ITPR2: variants seen among roughly 807,000 people sequenced by gnomAD.
The protein encoded by ITPR2 is inositol 1,4,5-trisphosphate receptor type 2.
Under a neutral mutation model 317.1 loss-of-function variants are expected in ITPR2, and 207 were observed. That is an observed-to-expected ratio of 0.65 (90% CI 0.58 to 0.73). The LOEUF is 0.73. Among genes scored for constraint, ITPR2 ranks in the 30% least tolerant of loss-of-function variants. ITPR2 has a pLI of 0.00. For synonymous variants in ITPR2, 1,156 were observed against 1,149.1 expected, an observed-to-expected ratio of 1.01 and a Z score of -0.12; for missense variants, 2,613 against 3,284.0, an observed-to-expected ratio of 0.80 and a Z score of 4.99.
At chr12:26,489,772 A>G (rs1056214845) in intron 39 of ITPR2, among the ~76,000 whole-genome samples, 1 of 152,220 alleles carries the variant, frequency 6.6e-6, no homozygotes, top group Admixed American at 6.5e-5. Flanking sequence ...AAAGGAAGAA[A>G]TAAAGGAAGG....
intron 37 of ITPR2, among the ~76,000 whole-genome samples, chr12:26,523,405 C>G (rs1943717708): frequency 6.6e-6 from 1 of 152,154 alleles, no homozygotes. Flanking sequence ...GCTAATCTTC[C>G]TTCCCCCCAC....
At chr12:26,450,269 C>A (rs1591795790) in intron 45 of ITPR2, among the ~76,000 whole-genome samples, 1 of 152,086 alleles carries the variant, frequency 6.6e-6, no homozygotes. Context: ...GTTATGGCAG[C>A]CCTAGGAAGT....
chr12:26,416,087 G>A (rs978167110), intron 50 of ITPR2, among the ~76,000 whole-genome samples: 23 of 152,088 alleles, frequency 1.5e-4, no homozygotes, highest in African/African-American at 5.5e-4. Context: ...TTAGTAACAG[G>A]GTATAATGAG....
At chr12:26,721,198 A>G in intron 5 of ITPR2, 1 of 420,074 alleles carries the variant, frequency 2.4e-6, no homozygotes, top group South Asian at 5.2e-5. Flanking sequence ...AAAGAAAAAA[A>G]AGTAGGGTTT....
At chr12:26,384,198 A>AT (rs1939600269) in intron 55 of ITPR2, among the ~76,000 whole-genome samples, 1 of 152,210 alleles carries the variant, frequency 6.6e-6, no homozygotes, top group Non-Finnish European at 1.5e-5. Flanking sequence ...TCCACGTGCT[A>AT]CAAAATCTTC....
intron 26 of ITPR2, among the ~76,000 whole-genome samples, chr12:26,614,337 G>A (rs989586647): frequency 4.0e-5 from 6 of 151,530 alleles, no homozygotes; most frequent in African/African-American, 1.5e-4. Flanking sequence ...TCTAGTTTGG[G>A]GAGCTAAACC....
chr12:26,722,201 T>A (rs754633041), intron 5 of ITPR2, among the ~76,000 whole-genome samples, 196 bp downstream of exon 5: 1 of 152,248 alleles, frequency 6.6e-6, no homozygotes, highest in Non-Finnish European at 1.5e-5. Context: ...TTTAAATTAA[T>A]CTGAACTTTG....
chr12:26,596,646 C>CA (rs35579016), intron 31 of ITPR2, among the ~76,000 whole-genome samples: 3,942 of 87,152 alleles, frequency 0.045, 77 homozygotes, highest in East Asian at 0.094. Flanking sequence ...AACTCTGTCT[C>CA]AAAAAAAAAA....
At chr12:26,788,609 A>G (rs1332371096) in intron 2 of ITPR2, among the ~76,000 whole-genome samples, 1 of 152,054 alleles carries the variant, frequency 6.6e-6, no homozygotes, top group East Asian at 1.9e-4. Flanking sequence ...GTTTTTCCTC[A>G]GTTTAGCAAG....
chr12:26,402,691 T>C (rs1940215498), intron 52 of ITPR2, among the ~76,000 whole-genome samples: 1 of 152,256 alleles, frequency 6.6e-6, no homozygotes, highest in African/African-American at 2.4e-5. Context: ...GCTGATTTTA[T>C]ACAGAAGCCT....
chr12:26,797,063 A>G (rs1356084555), intron 1 of ITPR2, among the ~76,000 whole-genome samples: 1 of 152,164 alleles, frequency 6.6e-6, no homozygotes, highest in Non-Finnish European at 1.5e-5. Flanking sequence ...GTATGACTAA[A>G]TGAATAATTT....
chr12:26,397,163 C>T (rs1240553737), intron 54 of ITPR2, among the ~76,000 whole-genome samples: 1 of 152,052 alleles, frequency 6.6e-6, no homozygotes, highest in African/African-American at 2.4e-5. Context: ...ACTGTAAGTC[C>T]AGATGATAAA....
chr12:26,340,461 G>A (rs1473957664), intron 55 of ITPR2, 133 bp from the exon 56 acceptor site: 3 of 926,108 alleles, frequency 3.2e-6, no homozygotes, highest in East Asian at 3.2e-5. Flanking sequence ...CCTGGCATAG[G>A]GAGGGGCTGA....
chr12:26,555,526 C>T (rs193210080), intron 36 of ITPR2, among the ~76,000 whole-genome samples: 70 of 152,318 alleles, frequency 4.6e-4, no homozygotes, highest in Admixed American at 1.4e-3. Flanking sequence ...ACTAGTTATG[C>T]TTTTTCTCAC....
chr12:26,430,482 T>C (rs990529834), intron 48 of ITPR2, among the ~76,000 whole-genome samples: 1 of 152,200 alleles, frequency 6.6e-6, no homozygotes, highest in African/African-American at 2.4e-5. Flanking sequence ...CAGGCTGGTC[T>C]CGAACTCCTG....
At chr12:26,653,946 T>G in intron 21 of ITPR2, 30 bp downstream of exon 21, 2 of 1,568,598 alleles carry the variant, frequency 1.3e-6, no homozygotes, top group Non-Finnish European at 1.7e-6. Context: ...GTAATAACAA[T>G]GATATTATCA....
At position 26,768,591 on chromosome 12, in the gene ITPR2, A is replaced by AAAAAC. The variant is rs1555188510; in HGVS notation, c.163+21565_163+21566insGTTTT. Among the ~76,000 whole-genome samples the AAAAAC allele has an allele frequency of 4.9e-3, 691 of 140,218 alleles. 16 individuals are homozygous for AAAAAC. The highest frequency in any genetic ancestry group is 0.018 in the African/African-American group (651 of 36,650). The allele number at this position is 140,218 out of a possible 152,430, so 92.0% of individuals were successfully genotyped here. A position where few individuals can be genotyped will look rare whatever the true frequency, so the allele number is the denominator to read the frequency against. On this transcript the variant is annotated intron_variant, in intron 2 of 56. Transcript: ENST00000381340. ...ATATATAAAAAAAAAAAAAAAAAAA[A>AAAAAC]AAAAAACCTCCTGTTTCCTGACTGT... is the stretch of plus-strand genomic sequence containing the variant.
At chr12:26,774,950 T>A (rs925821380) in intron 2 of ITPR2, among the ~76,000 whole-genome samples, 10 of 152,202 alleles carry the variant, frequency 6.6e-5, no homozygotes, top group African/African-American at 2.4e-4. Context: ...CAAGGCATGT[T>A]CTGCATGGTT....
intron 9 of ITPR2, among the ~76,000 whole-genome samples, chr12:26,699,112 C>T (rs1287757858): frequency 6.6e-6 from 1 of 151,922 alleles, no homozygotes; most frequent in Non-Finnish European, 1.5e-5. Flanking sequence ...TCACTCAATA[C>T]ACATTAGAAT....
Sources: gnomAD v4.1 joint callset for allele counts (sites outside exome capture counted in the v4.1 genomes callset) on GRCh38, gnomAD v4.1.1 for gene constraint, MANE v1.5 for transcripts, NCBI Gene and HGNC (gene_info 2026-07-23, HGNC 2026-07-21) for gene names.